Variants in TUSC3 observed in about 807,000 individuals in gnomAD.
TUSC3 encodes tumor suppressor candidate 3, also known as dolichyl-diphosphooligosaccharide--protein glycosyltransferase subunit TUSC3.
TUSC3 carries 45 observed loss-of-function variants against 44.8 expected under a neutral mutation model. The ratio of observed to expected loss-of-function variants is 1.00; its 90% confidence interval spans 0.79 to 1.29. The LOEUF is 1.29. TUSC3 is among the 50% of genes most tolerant of loss of function. The pLI, the probability that TUSC3 is intolerant of heterozygous loss-of-function variation, is 0.00. For synonymous variants in TUSC3, 212 were observed against 152.9 expected (o/e 1.39, Z -2.85); for missense variants, 519 against 437.9 (o/e 1.19, Z -1.65).
At chr8:15,761,834 T>G (rs1435963038) in intron 10 of TUSC3, among the ~76,000 whole-genome samples, 1 of 152,128 alleles carries the variant, frequency 6.6e-6, no homozygotes, top group Non-Finnish European at 1.5e-5. Flanking sequence ...GTGATAGGCA[T>G]TATTAGAAAA....
chr8:15,626,499 C>T (rs1374996169), intron 2 of TUSC3, among the ~76,000 whole-genome samples: 3 of 152,186 alleles, frequency 2.0e-5, no homozygotes, highest in South Asian at 2.1e-4. Flanking sequence ...ACCAGTATAT[C>T]CGTGTGCTCT....
chr8:15,783,032 T>A, the TUSC3 span, among the ~76,000 whole-genome samples: 13 of 152,318 alleles, frequency 8.5e-5, no homozygotes, highest in African/African-American at 3.1e-4. Context: ...TATATATCAA[T>A]ATACAAAAAT....
At chr8:15,655,674 A>G (rs1807128929) in intron 3 of TUSC3, among the ~76,000 whole-genome samples, 1 of 152,168 alleles carries the variant, frequency 6.6e-6, no homozygotes, top group South Asian at 2.1e-4. Flanking sequence ...TAACCCTCAG[A>G]TGAATTCTTT....
At chr8:15,757,551 A>G (rs1811977298) in intron 9 of TUSC3, among the ~76,000 whole-genome samples, 1 of 152,188 alleles carries the variant, frequency 6.6e-6, no homozygotes, top group Non-Finnish European at 1.5e-5. Context: ...TGAGAATTTC[A>G]CTGGTCTCAA....
At chr8:15,511,743 G>T (rs1563270500) in intron 2 of TUSC3, among the ~76,000 whole-genome samples, 1 of 152,042 alleles carries the variant, frequency 6.6e-6, no homozygotes, top group Non-Finnish European at 1.5e-5. Context: ...GGTGGTGGGT[G>T]CCTATAATCC....
chr8:15,572,454 A>C (rs1258851117), intron 1 of TUSC3, among the ~76,000 whole-genome samples: 1 of 152,176 alleles, frequency 6.6e-6, no homozygotes, highest in African/African-American at 2.4e-5. Context: ...TGATCTATCC[A>C]AACTATTTAA....
chr8:15,759,219 T>G (rs1184530846), intron 10 of TUSC3, among the ~76,000 whole-genome samples: 1 of 152,146 alleles, frequency 6.6e-6, no homozygotes, highest in East Asian at 1.9e-4. Flanking sequence ...GCACCTTTTT[T>G]GGATACCAAA....
intron 5 of TUSC3, among the ~76,000 whole-genome samples, chr8:15,665,159 C>A (rs1322065802): frequency 6.6e-6 from 1 of 151,480 alleles, no homozygotes; most frequent in African/African-American, 2.4e-5. Flanking sequence ...ATCTGACTTA[C>A]ACAAACTCTG....
chr8:15,837,737 G>C, the TUSC3 span, among the ~76,000 whole-genome samples: 1 of 152,020 alleles, frequency 6.6e-6, no homozygotes, highest in Non-Finnish European at 1.5e-5. Context: ...TTTAATTCAT[G>C]GAAGGCATTT....
At chr8:15,623,283 T>C (rs1468982605) in intron 2 of TUSC3, 34 bp downstream of exon 2, 1 of 1,532,986 alleles carries the variant, frequency 6.5e-7, no homozygotes, top group Non-Finnish European at 8.8e-7. Context: ...TTAAAAACTA[T>C]TATTCTTGGT....
chr8:15,576,213 T>A (rs1225315983), intron 1 of TUSC3, among the ~76,000 whole-genome samples: 1 of 151,036 alleles, frequency 6.6e-6, no homozygotes, highest in Non-Finnish European at 1.5e-5. Context: ...TGAACTGGTT[T>A]TCTTTTGGTA....
chr8:15,777,235 A>G, the TUSC3 span, among the ~76,000 whole-genome samples: 6 of 152,298 alleles, frequency 3.9e-5, no homozygotes, highest in East Asian at 3.9e-4. Context: ...AAGCATACCA[A>G]TGAAAATTCA....
chr8:15,616,269 A>G (rs774257747), intron 1 of TUSC3, among the ~76,000 whole-genome samples: 2 of 152,196 alleles, frequency 1.3e-5, no homozygotes, highest in Admixed American at 6.5e-5. Context: ...AGAAATTTGC[A>G]TATTATATAT....
At chr8:15,667,561 A>ATAGAATAT (rs1807724927) in intron 5 of TUSC3, among the ~76,000 whole-genome samples, 1 of 151,760 alleles carries the variant, frequency 6.6e-6, no homozygotes, top group African/African-American at 2.4e-5. Context: ...TAAAATGTGT[A>ATAGAATAT]TAGAATATTA....
the TUSC3 span, among the ~76,000 whole-genome samples, chr8:15,797,713 A>G: frequency 6.6e-6 from 1 of 152,200 alleles, no homozygotes; most frequent in Non-Finnish European, 1.5e-5. Context: ...TACCACATGA[A>G]TGAGAACTAT....
At chr8:15,756,004 G>A (rs2129222311) in intron 9 of TUSC3, among the ~76,000 whole-genome samples, 1 of 152,266 alleles carries the variant, frequency 6.6e-6, no homozygotes, top group Middle Eastern at 3.4e-3. Context: ...TTTGAGACAT[G>A]AGACATTTCT....
chr8:15,590,748 T>A (rs1357364676), intron 1 of TUSC3, among the ~76,000 whole-genome samples: 1 of 152,094 alleles, frequency 6.6e-6, no homozygotes, highest in East Asian at 1.9e-4. Context: ...CTTGGCTCAT[T>A]GTTGCCTCTA....
At chr8:15,468,131 A>C (rs539330575) in intron 1 of TUSC3, among the ~76,000 whole-genome samples, 1 of 152,192 alleles carries the variant, frequency 6.6e-6, no homozygotes, top group Non-Finnish European at 1.5e-5. Context: ...TCTCCTGAAA[A>C]GCAGAATTGA....
chr8:15,727,667 T>G (rs1391317894), intron 6 of TUSC3, among the ~76,000 whole-genome samples: 4 of 152,172 alleles, frequency 2.6e-5, no homozygotes, highest in Non-Finnish European at 1.5e-5. Context: ...GCACACTAAG[T>G]TCACTTGTGA....
Sources: allele counts gnomAD v4.1 joint callset (sites outside exome capture counted in the v4.1 genomes callset), GRCh38; gene constraint gnomAD v4.1.1; transcripts MANE v1.5; gene names NCBI Gene and HGNC (gene_info 2026-07-23, HGNC 2026-07-21).